The following CARS1 variants were observed in gnomAD, a reference collection of about 807,000 sequenced individuals.
The protein encoded by CARS1 is cysteine--tRNA ligase, cytoplasmic.
CARS1 carries 48 observed loss-of-function variants against 106.2 expected under a neutral mutation model. The ratio of observed to expected loss-of-function variants is 0.45; its 90% CI spans 0.36 to 0.57. CARS1 has a LOEUF of 0.57. Among genes scored for constraint, CARS1 ranks in the 20% least tolerant of loss-of-function variants. CARS1 has a pLI of 0.00. For synonymous variants in CARS1, 409 were observed against 403.4 expected (o/e 1.01, Z -0.17); for missense variants, 968 against 1,057.2 (o/e 0.92, Z 1.17).
intron 18 of CARS1, among the ~76,000 whole-genome samples, chr11:3,011,965 G>A (rs929932350): frequency 5.3e-5 from 8 of 152,354 alleles, no homozygotes; most frequent in South Asian, 2.1e-4. Flanking sequence ...GCACTCACTC[G>A]AGGATTCTGC....
In CARS1 at chr11:3,004,618, G is replaced by A. The variant is rs978671586; in HGVS notation, c.2217+748C>T. ...CTGCCTGCATCCCAGGGTACCCCAT[G>A]CGCTGTGCCCAGAGATTCTGACATT... On this transcript the variant is annotated intron_variant, in intron 20 of 22. Transcript: ENST00000380525. This position sits in a 1 kb window ranked among gnomAD's most constrained non-coding sequence, Gnocchi z 5.2. Among the ~76,000 whole-genome samples, 1 of 152,244 alleles carries A rather than the reference G, an allele frequency of 6.6e-6. No individual in the cohort carries two copies. Among genetic ancestry groups the A allele is most frequent in the Non-Finnish European group, 1.5e-5 (1 of 68,040 alleles).
Position 3,040,514 on chromosome 11 carries a change from C to A in CARS1, c.455+382G>T, listed in dbSNP as rs573897166. ...TCCAGTGGTCGGGGGGCGGTCACAG[C>A]CAACCCAGCGTCAGGCCTGTCAGGT... On this transcript the variant is annotated intron_variant, in intron 4 of 22. Coordinates refer to ENST00000380525, the MANE Select transcript of CARS1 (RefSeq NM_001014437.3). This position sits in a 1 kb window ranked among gnomAD's most constrained non-coding sequence, Gnocchi z 5.8. The A allele has an allele frequency of 5.8e-5, 28 of 480,394 alleles. No individual in the cohort carries two copies. The highest frequency in any genetic ancestry group is 9.9e-5 in the Non-Finnish European group (24 of 243,376). The allele number at this position is 480,394 out of a possible 1,614,324, so 29.8% of individuals were successfully genotyped here. A position where few individuals can be genotyped will look rare whatever the true frequency, so the allele number is the denominator to read the frequency against.
At chr11:3,055,405 T>C (rs1036612263) in intron 1 of CARS1, among the ~76,000 whole-genome samples, 12 of 152,204 alleles carry the variant, frequency 7.9e-5, no homozygotes, top group Non-Finnish European at 1.3e-4. Flanking sequence ...CCTCCCAAAG[T>C]GCTGGGATTA....
In CARS1 at chr11:3,045,536, T is replaced by C. The variant is rs1404992079; in HGVS notation, c.274+2217A>G. ...GCCTTGGCCTCCCAAAGTGCTGGGA[T>C]TACAGGAGTGAGCCACCGCGCCGGG... On this transcript the variant is annotated intron_variant, in intron 2 of 22. Coordinates refer to ENST00000380525, the MANE Select transcript of CARS1 (RefSeq NM_001014437.3). This position sits in a 1 kb window ranked among gnomAD's most constrained non-coding sequence, Gnocchi z 5.6. Among the ~76,000 whole-genome samples the C allele has an allele frequency of 6.6e-6, 1 of 152,206 alleles. No individual in the cohort carries two copies. The highest frequency in any genetic ancestry group is 1.5e-5 in the Non-Finnish European group (1 of 68,040).
rs1203316408 is a variant in CARS1 at position 3,047,844 on chromosome 11, G to C, written c.183C>G (p.Pro61=). Residue 61 remains proline (P), a synonymous_variant, in exon 2 of 23, where the codon CCC becomes CCG. Coordinates refer to ENST00000380525, the MANE Select transcript of CARS1 (RefSeq NM_001014437.3). ...ACCACCGAGCCACGTGGAAGAGCTG[G>C]GGGTCAGCGGGCGGGGCCGAGAGCT... ...FRQLSAPPAD[P]QLFHVARWFR... 6.2e-7 allele frequency: 1 copy of C among 1,614,156 alleles called. No individual in the cohort carries two copies. The highest frequency in any genetic ancestry group is 1.7e-5 in the Admixed American group (1 of 60,026).
Position 3,057,412 on chromosome 11 carries a change from A to C in CARS1, c.-45T>G. 3.2e-6 allele frequency: 5 copies of C among 1,586,636 alleles called. No homozygotes were observed. The highest frequency in any genetic ancestry group is 3.4e-6 in the Non-Finnish European group (4 of 1,159,874). The stretch of plus-strand genomic sequence containing the variant: ...GCAGCTGCGGCTACAGACACTTCCT[A>C]GAATCTGATGCAACCGCCGCCCCGG... On this transcript the variant is annotated 5_prime_UTR_variant, in exon 1 of 23. Transcript: ENST00000380525.
In CARS1 at chr11:3,044,248, C is replaced by A. The variant is rs1854843585; in HGVS notation, c.275-1992G>T. Among the ~76,000 whole-genome samples the A allele has an allele frequency of 6.6e-6, 1 of 152,180 alleles. No homozygotes were observed. The highest frequency in any genetic ancestry group is 1.5e-5 in the Non-Finnish European group (1 of 68,026). ...GGCCCAGGGTTCACAGGACTGAAAGCTTGTCCAAGAAGCCTGGCCACAGCC... is the reference window on the plus strand; with the variant it reads ...GGCCCAGGGTTCACAGGACTGAAAGATTGTCCAAGAAGCCTGGCCACAGCC... On this transcript the variant is annotated intron_variant, in intron 2 of 22. Transcript: ENST00000380525. The surrounding 1 kb of genome is among the most constrained non-coding windows in gnomAD (Gnocchi z 4.4).
rs185872259 is a variant in CARS1 at position 3,004,106 on chromosome 11, G to C, written c.2217+1260C>G. On this transcript the variant is annotated intron_variant, in intron 20 of 22. Coordinates refer to ENST00000380525, the MANE Select transcript of CARS1 (RefSeq NM_001014437.3). The surrounding 1 kb of genome is among the most constrained non-coding windows in gnomAD (Gnocchi z 5.2). ...CCTCACAGCACAGCACGGCAGGCGAGACCCAAGGCTAGGTGAGTGACTGTG... is the reference window on the plus strand; with the variant it reads ...CCTCACAGCACAGCACGGCAGGCGACACCCAAGGCTAGGTGAGTGACTGTG... 1.2e-3 allele frequency among the ~76,000 whole-genome samples: 177 copies of C among 152,288 alleles called. No homozygotes were observed. The highest frequency in any genetic ancestry group is 2.4e-3 in the Admixed American group (37 of 15,300).
Position 3,053,318 on chromosome 11 carries a change from C to T in CARS1, c.25+4025G>A, listed in dbSNP as rs948556965. Among the ~76,000 whole-genome samples the T allele has an allele frequency of 1.3e-5, 2 of 152,100 alleles. No individual in the cohort carries two copies. Among genetic ancestry groups the T allele is most frequent in the Non-Finnish European group, 2.9e-5 (2 of 68,034 alleles). ...TGATCTCGGCTCACTGCAAACTCTG[C>T]CTCCCGGGTTCAAGCGATTCTCCTG... On this transcript the variant is annotated intron_variant, in intron 1 of 22. Transcript: ENST00000380525. The surrounding 1 kb of genome is among the most constrained non-coding windows in gnomAD (Gnocchi z 6.6).
chr11:3,056,582 C>T (rs1436613250), intron 1 of CARS1, among the ~76,000 whole-genome samples: 1 of 152,144 alleles, frequency 6.6e-6, no homozygotes, highest in Non-Finnish European at 1.5e-5. Flanking sequence ...GGACTGCCTG[C>T]GGAACTGGAG....
rs1851361386 is a variant in CARS1, at chr11:3,019,431, C to A, written c.1267-164G>T. 6.6e-6 allele frequency among the ~76,000 whole-genome samples: 1 copy of A among 152,220 alleles called. No homozygotes were observed. The highest frequency in any genetic ancestry group is 2.1e-4 in the South Asian group (1 of 4,834). ...TAAGGGAAGGCTGGGCGAGATGGCT[C>A]ACACCTGTAATCCCAGCACTTTGCG... On this transcript the variant is annotated intron_variant, in intron 11 of 22. Coordinates refer to ENST00000380525, the MANE Select transcript of CARS1 (RefSeq NM_001014437.3). The surrounding 1 kb of genome is among the most constrained non-coding windows in gnomAD (Gnocchi z 6.2).
intron 7 of CARS1, among the ~76,000 whole-genome samples, chr11:3,033,452 T>G (rs1039464866): frequency 6.6e-6 from 1 of 152,194 alleles, no homozygotes; most frequent in Non-Finnish European, 1.5e-5. Context: ...ATTTGGAAAT[T>G]TAAAACTTCT....
Position 3,038,816 on chromosome 11 carries a change from G to C in CARS1, c.651+378C>G, listed in dbSNP as rs1565089733. 6.6e-6 allele frequency among the ~76,000 whole-genome samples: 1 copy of C among 152,192 alleles called. No homozygotes were observed. Among genetic ancestry groups the C allele is most frequent in the Admixed American group, 6.5e-5 (1 of 15,282 alleles). On this transcript the variant is annotated intron_variant, in intron 6 of 22. Coordinates refer to ENST00000380525, the MANE Select transcript of CARS1 (RefSeq NM_001014437.3). This position sits in a 1 kb window ranked among gnomAD's most constrained non-coding sequence, Gnocchi z 4.0. ...ATTTACAGTATTACCAAATTAAAAA[G>C]CTTAGTATAGCTTTTGTATCTTGGG...
rs1165244151 is a variant in CARS1 at position 3,052,129 on chromosome 11, C to G, written c.26-4128G>C. On this transcript the variant is annotated intron_variant, in intron 1 of 22. Transcript: ENST00000380525. The surrounding 1 kb of genome is among the most constrained non-coding windows in gnomAD (Gnocchi z 4.6). ...AGAAAAACATCAAATGTCCTAACGG[C>G]GGCTGCAGTGGCTTTTGAGCGCTGA... Among the ~76,000 whole-genome samples, 1 of 152,240 alleles carries G rather than the reference C, an allele frequency of 6.6e-6. No homozygotes were observed. Among genetic ancestry groups the G allele is most frequent in the Non-Finnish European group, 1.5e-5 (1 of 68,036 alleles).
In CARS1 at chr11:3,022,542, T is replaced by G. The variant is rs369099275; in HGVS notation, c.1154-2210A>C. Among the ~76,000 whole-genome samples the G allele has an allele frequency of 7.9e-4, 120 of 152,336 alleles. 1 individual carries two copies. In the South Asian group the frequency reaches 0.024, roughly 30 times the overall value. ...CCCGGTATACTGACTCGCTGTGCAT[T>G]GGGCAACAGACCTATTATGGTTACA... is the stretch of plus-strand genomic sequence containing the variant. On this transcript the variant is annotated intron_variant, in intron 10 of 22. Transcript: ENST00000380525. This position sits in a 1 kb window ranked among gnomAD's most constrained non-coding sequence, Gnocchi z 4.9.
At position 3,038,652 on chromosome 11, in the gene CARS1, T is replaced by G. The variant is rs574068023; in HGVS notation, c.652-453A>C. Among the ~76,000 whole-genome samples the G allele has an allele frequency of 6.6e-6, 1 of 152,356 alleles. No individual in the cohort carries two copies. The highest frequency in any genetic ancestry group is 2.4e-5 in the African/African-American group (1 of 41,580). ...TAAAATGCCATAAGCATATCCATAA[T>G]GATTACTGTAATTACTAAGGATAAT... On this transcript the variant is annotated intron_variant, in intron 6 of 22. Coordinates refer to ENST00000380525, the MANE Select transcript of CARS1 (RefSeq NM_001014437.3). This position sits in a 1 kb window ranked among gnomAD's most constrained non-coding sequence, Gnocchi z 4.0.
In CARS1 at chr11:3,018,495, C is replaced by T; in HGVS notation, c.1542G>A (p.Leu514=). 1 of 1,614,130 alleles carries T rather than the reference C, an allele frequency of 6.2e-7. No individual in the cohort carries two copies. Among genetic ancestry groups the T allele is most frequent in the Admixed American group, 1.7e-5 (1 of 60,032 alleles). The change falls in exon 14 of 23, where the codon CTG becomes CTA. Residue 514 remains leucine, a synonymous_variant. Coordinates refer to ENST00000380525, the MANE Select transcript of CARS1 (RefSeq NM_001014437.3). ...LKKHSARQLR[L]AFLMHSWKDT... The stretch of plus-strand genomic sequence containing the variant: ...CCTTCCACGAGTGCATGAGGAAGGC[C>T]AGCCGCAACTGCCGTGCTGTGGGGG...
chr11:3,012,876 A>G (rs889302652), intron 17 of CARS1, among the ~76,000 whole-genome samples: 3 of 146,016 alleles, frequency 2.1e-5, no homozygotes, highest in Admixed American at 6.8e-5. Context: ...CCTTTCTACT[A>G]TATTTCCCTT....
chr11:3,005,611 T>C (rs1204786453), intron 19 of CARS1, among the ~76,000 whole-genome samples, 178 bp from the exon 20 acceptor site: 1 of 150,268 alleles, frequency 6.7e-6, no homozygotes, highest in African/African-American at 2.5e-5. Flanking sequence ...CAGGAGAACA[T>C]TTTGGTTTGT....
Sources: allele counts gnomAD v4.1 joint callset (sites outside exome capture counted in the v4.1 genomes callset), GRCh38; gene constraint gnomAD v4.1.1; non-coding constraint Gnocchi (gnomAD v3.1); transcripts MANE v1.5; gene names NCBI Gene and HGNC (gene_info 2026-07-23, HGNC 2026-07-21).